Variants in MAML2 observed in about 807,000 individuals in gnomAD.
The protein encoded by MAML2 is mastermind-like protein 2.
MAML2 carries 22 observed loss-of-function variants against 96.1 expected under a neutral mutation model. The observed-to-expected ratio is 0.23, with a 90% CI of 0.16 to 0.33. MAML2 has a LOEUF of 0.33. Among genes scored for constraint, MAML2 ranks in the 10% least tolerant of loss-of-function variants. MAML2 has a pLI of 1.00. For synonymous variants in MAML2, 561 were observed against 521.3 expected (o/e 1.08, Z -1.04); for missense variants, 1,367 against 1,392.4 (o/e 0.98, Z 0.29).
intron 2 of MAML2, among the ~76,000 whole-genome samples, chr11:96,020,083 A>C (rs556047301): frequency 5.3e-4 from 80 of 152,302 alleles, no homozygotes; most frequent in African/African-American, 1.8e-3. Flanking sequence ...AGGGGAGTGC[A>C]TGCAGAGGGA....
At position 96,025,377 on chromosome 11, in the gene MAML2, G is replaced by A. The variant is rs533017923; in HGVS notation, c.2140-33654C>T. On this transcript the variant is annotated intron_variant, in intron 2 of 4. Transcript: ENST00000524717. ...TACACATGGACATAAAGATGGGAAC[G>A]ACAGGTACTGGGGACTACTGGGGGA... Among the ~76,000 whole-genome samples the A allele has an allele frequency of 6.6e-5, 10 of 152,170 alleles. No individual in the cohort carries two copies. In the South Asian group the frequency reaches 1.5e-3, roughly 22 times the overall value.
intron 1 of MAML2, among the ~76,000 whole-genome samples, chr11:96,312,444 T>G (rs914393451): frequency 1.3e-5 from 2 of 152,092 alleles, no homozygotes; most frequent in African/African-American, 4.8e-5. Context: ...TATCATTGGA[T>G]TCATCATTAC....
chr11:96,233,062 T>A (rs926860495), intron 1 of MAML2, among the ~76,000 whole-genome samples: 1 of 152,224 alleles, frequency 6.6e-6, no homozygotes, highest in Non-Finnish European at 1.5e-5. Flanking sequence ...TAAGACCAAT[T>A]TTTTAAAGCT....
rs1451833250 is a variant in MAML2 at position 96,049,616 on chromosome 11, C to G, written c.2139+42276G>C. Among the ~76,000 whole-genome samples the G allele has an allele frequency of 2.0e-5, 3 of 152,276 alleles. No individual in the cohort carries two copies. The East Asian group carries it at 5.8e-4, about 29-fold the overall frequency. ...AGCGACCGTGGGCAAGTGTTGTAAT[C>G]TCTCTGAGCTTTGGTTTTTGCTAAG... is the stretch of plus-strand genomic sequence containing the variant. On this transcript the variant is annotated intron_variant, in intron 2 of 4. Transcript: ENST00000524717.
intron 1 of MAML2, among the ~76,000 whole-genome samples, chr11:96,150,036 T>C (rs1324090584): frequency 1.3e-5 from 2 of 152,256 alleles, no homozygotes; most frequent in Admixed American, 1.3e-4. Flanking sequence ...TTGTTGGATA[T>C]CTTCGCCTGA....
chr11:96,105,358 G>A (rs1247194942), intron 1 of MAML2, among the ~76,000 whole-genome samples: 4 of 152,156 alleles, frequency 2.6e-5, no homozygotes, highest in Non-Finnish European at 5.9e-5. Flanking sequence ...TCCCCTCAAT[G>A]CACAAAAGCA....
Position 96,342,248 on chromosome 11 carries a change from A to C in MAML2, c.-353T>G, listed in dbSNP as rs769599005. The C allele has an allele frequency of 6.8e-6, 3 of 442,772 alleles. No individual in the cohort carries two copies. The highest frequency in any genetic ancestry group is 3.8e-5 in the Admixed American group (1 of 26,096). The allele number at this position is 442,772 out of a possible 1,614,324, so 27.4% of individuals were successfully genotyped here. On this transcript the variant is annotated 5_prime_UTR_variant, in exon 1 of 5. Coordinates refer to ENST00000524717, the MANE Select transcript of MAML2 (RefSeq NM_032427.4). ...CCACTAGGTACTTTGTAAACACACG[A>C]TCTGGGGGTTAGATCAAGAATTCAG...
intron 1 of MAML2, among the ~76,000 whole-genome samples, chr11:96,290,245 A>T (rs1158963242): frequency 6.6e-6 from 1 of 152,180 alleles, no homozygotes; most frequent in Non-Finnish European, 1.5e-5. Flanking sequence ...ACAGAGATAC[A>T]GTTACTCTTT....
intron 1 of MAML2, among the ~76,000 whole-genome samples, chr11:96,169,305 C>T (rs1422388106): frequency 3.3e-5 from 5 of 152,226 alleles, no homozygotes; most frequent in Admixed American, 3.3e-4. Flanking sequence ...CAGCACTCAG[C>T]TGTAACAGGA....
chr11:96,245,490 A>G (rs1427085554), intron 1 of MAML2, among the ~76,000 whole-genome samples: 2 of 152,076 alleles, frequency 1.3e-5, no homozygotes, highest in African/African-American at 2.4e-5. Flanking sequence ...GAATTTGTAG[A>G]TTTCTTTTTA....
chr11:96,156,217 C>G (rs1861008915), intron 1 of MAML2, among the ~76,000 whole-genome samples: 1 of 152,240 alleles, frequency 6.6e-6, no homozygotes, highest in Non-Finnish European at 1.5e-5. Flanking sequence ...CTCTCATCTT[C>G]TCCTCAACCC....
At chr11:96,320,253 C>CCA (rs1327376231) in intron 1 of MAML2, among the ~76,000 whole-genome samples, 1 of 152,212 alleles carries the variant, frequency 6.6e-6, no homozygotes, top group East Asian at 1.9e-4. Context: ...ACAAATTCCA[C>CCA]CACAGCAAAC....
intron 1 of MAML2, among the ~76,000 whole-genome samples, chr11:96,218,962 G>A (rs1421843715): frequency 6.6e-6 from 1 of 152,174 alleles, no homozygotes; most frequent in Admixed American, 6.5e-5. Flanking sequence ...ATGATCAGAA[G>A]TACATTATCT....
chr11:96,056,723 T>C (rs73521681), intron 2 of MAML2, among the ~76,000 whole-genome samples: 104 of 152,368 alleles, frequency 6.8e-4, no homozygotes, highest in African/African-American at 2.4e-3. Context: ...ACTTTCTTTG[T>C]TCATTCACAA....
chr11:96,263,413 A>G (rs1276664369), intron 1 of MAML2, among the ~76,000 whole-genome samples: 1 of 152,260 alleles, frequency 6.6e-6, no homozygotes, highest in Non-Finnish European at 1.5e-5. Context: ...TAACAACAAT[A>G]TTAGTCATTG....
intron 1 of MAML2, among the ~76,000 whole-genome samples, chr11:96,167,211 G>A (rs901713413): frequency 3.9e-5 from 6 of 152,104 alleles, no homozygotes; most frequent in African/African-American, 1.2e-4. Context: ...CTGGACACTC[G>A]CTGCTCACTT....
intron 1 of MAML2, among the ~76,000 whole-genome samples, chr11:96,309,793 G>A (rs1175371527): frequency 1.3e-5 from 2 of 151,284 alleles, no homozygotes; most frequent in Non-Finnish European, 2.9e-5. Flanking sequence ...GACCTCTCCA[G>A]GCTCAGGTAT....
intron 1 of MAML2, among the ~76,000 whole-genome samples, chr11:96,246,971 G>A (rs746770953): frequency 3.9e-5 from 6 of 152,018 alleles, no homozygotes; most frequent in Admixed American, 1.3e-4. Context: ...TTCATGTGTG[G>A]CATGATCAAA....
intron 1 of MAML2, among the ~76,000 whole-genome samples, chr11:96,136,137 T>A (rs916824862): frequency 6.7e-6 from 1 of 149,918 alleles, no homozygotes; most frequent in African/African-American, 2.5e-5. Flanking sequence ...TAGGTAGACA[T>A]AAATTATTTG....
Sources: allele counts gnomAD v4.1 joint callset (sites outside exome capture counted in the v4.1 genomes callset), GRCh38; gene constraint gnomAD v4.1.1; transcripts MANE v1.5; gene names NCBI Gene and HGNC (gene_info 2026-07-23, HGNC 2026-07-21).